The following DOCK4 variants were observed in gnomAD, a reference collection of about 807,000 sequenced individuals.
DOCK4 encodes dedicator of cytokinesis protein 4.
In DOCK4, 97 loss-of-function variants were observed where a neutral mutation model predicts 268.1. The ratio of observed to expected loss-of-function variants is 0.36; its 90% CI spans 0.31 to 0.43. The LOEUF is 0.43. Ranked by LOEUF, DOCK4 falls within the 20% of genes least tolerant of loss-of-function variation. The pLI is 1.00. For missense variants in DOCK4, 2,145 were observed against 2,455.7 expected, an observed-to-expected ratio of 0.87 and a Z score of 2.67; for synonymous variants, 954 against 887.2, an observed-to-expected ratio of 1.08 and a Z score of -1.34.
chr7:111,889,140 CTGTTCAGCTTATG>C (rs1324423725), intron 16 of DOCK4, among the ~76,000 whole-genome samples: 1 of 152,176 alleles, frequency 6.6e-6, no homozygotes, highest in East Asian at 1.9e-4. Flanking sequence ...TTTCCCCCCA[CTGTTCAGCTTATG>C]TGTTCAGCTT....
At chr7:111,794,151 T>C (rs1026328463) in intron 30 of DOCK4, among the ~76,000 whole-genome samples, 1 of 152,090 alleles carries the variant, frequency 6.6e-6, no homozygotes, top group African/African-American at 2.4e-5. Context: ...GCAGCAGCCA[T>C]GGTAATAGAG....
At position 112,102,525 on chromosome 7, in the gene DOCK4, T is replaced by C. The variant is rs532848443; in HGVS notation, c.38-98394A>G. On this transcript the variant is annotated intron_variant, in intron 1 of 52. Transcript: ENST00000428084. ...TGAGGTGGGGCCTTTGGGAGGCGAT[T>C]AGGCTGTAAGAGTAGAGTCGTCAGG... Among the ~76,000 whole-genome samples the C allele has an allele frequency of 5.9e-5, 9 of 152,274 alleles. 1 individual carries two copies. The South Asian group carries it at 1.9e-3, about 32-fold the overall frequency.
intron 8 of DOCK4, among the ~76,000 whole-genome samples, chr7:111,973,181 ATAT>A: frequency 6.9e-6 from 1 of 145,034 alleles, no homozygotes; most frequent in African/African-American, 2.6e-5. Flanking sequence ...ATATATATAT[ATAT>A]ATAATATTTT....
At chr7:112,015,874 A>C (rs1801767572) in intron 1 of DOCK4, among the ~76,000 whole-genome samples, 1 of 152,220 alleles carries the variant, frequency 6.6e-6, no homozygotes. Flanking sequence ...GGAAGGACGA[A>C]GAACATGAGT....
At chr7:111,842,830 C>A (rs1180312934) in intron 25 of DOCK4, among the ~76,000 whole-genome samples, 1 of 152,184 alleles carries the variant, frequency 6.6e-6, no homozygotes, top group East Asian at 1.9e-4. Flanking sequence ...TAACAAGAAG[C>A]CCTCTTGCCT....
chr7:111,971,896 A>G, intron 8 of DOCK4: 1 of 199,388 alleles, frequency 5.0e-6, no homozygotes, highest in South Asian at 9.7e-5. Context: ...TAATGCCAAC[A>G]TTCTTAGGCC....
chr7:112,201,551 T>C (rs763322967), intron 1 of DOCK4, among the ~76,000 whole-genome samples: 2 of 152,246 alleles, frequency 1.3e-5, no homozygotes, highest in Non-Finnish European at 2.9e-5. Flanking sequence ...ATGACTCATC[T>C]GTGAATCTGT....
chr7:112,034,888 A>G (rs556921569), intron 1 of DOCK4, among the ~76,000 whole-genome samples: 3 of 152,172 alleles, frequency 2.0e-5, no homozygotes, highest in African/African-American at 7.2e-5. Flanking sequence ...GGAGACAGAA[A>G]AAATGACTCA....
At chr7:112,164,083 G>T (rs1239436110) in intron 1 of DOCK4, among the ~76,000 whole-genome samples, 1 of 152,098 alleles carries the variant, frequency 6.6e-6, no homozygotes, top group Non-Finnish European at 1.5e-5. Flanking sequence ...AGGAGTTCAA[G>T]ACCAGCCTGG....
chr7:111,888,053 G>C (rs1306191892), intron 16 of DOCK4, among the ~76,000 whole-genome samples: 1 of 151,978 alleles, frequency 6.6e-6, no homozygotes, highest in Non-Finnish European at 1.5e-5. Flanking sequence ...TGTTTTCTCT[G>C]TTAAGTAGCT....
chr7:112,150,758 C>A (rs1815981993), intron 1 of DOCK4, among the ~76,000 whole-genome samples: 1 of 152,184 alleles, frequency 6.6e-6, no homozygotes, highest in South Asian at 2.1e-4. Flanking sequence ...CTCAACCTCC[C>A]CAAAACTTAA....
Position 111,994,162 on chromosome 7 carries a change from C to A in DOCK4, c.288G>T (p.Trp96Cys). 1 of 1,606,636 alleles carries A rather than the reference C, an allele frequency of 6.2e-7. No individual in the cohort carries two copies. The highest frequency in any genetic ancestry group is 8.5e-7 in the Non-Finnish European group (1 of 1,175,506). ...CATAGAGTTGTTTCCACATGGTTCC[C>A]CAGTCTCTTAATGTTGATGTCATTT... ...ITEMTSTLRD[W>C]GTMWKQLYVR... The change falls in exon 5 of 53, where the codon TGG becomes TGT. Residue 96 changes from tryptophan to cysteine, a missense_variant. Around this residue, in one of 2 missense-constraint regions of DOCK4, gnomAD observed 1,598 missense variants for 1,986.7 expected, o/e 0.80. Transcript: ENST00000428084.
intron 8 of DOCK4, among the ~76,000 whole-genome samples, chr7:111,956,621 A>G (rs1223130344): frequency 6.6e-6 from 1 of 152,212 alleles, no homozygotes; most frequent in African/African-American, 2.4e-5. Context: ...TATTGTCTGT[A>G]AAGTGTTCAT....
intron 27 of DOCK4, among the ~76,000 whole-genome samples, chr7:111,816,834 A>AT (rs1407489545): frequency 2.0e-5 from 3 of 152,170 alleles, no homozygotes; most frequent in Non-Finnish European, 4.4e-5. Flanking sequence ...ATTTTTAGCT[A>AT]TTTTGAACAG....
At chr7:111,765,268 G>T in intron 38 of DOCK4, 46 bp from the exon 39 acceptor site, 1 of 1,065,106 alleles carries the variant, frequency 9.4e-7, no homozygotes, top group Non-Finnish European at 1.3e-6. Flanking sequence ...TCATCTTTCG[G>T]TTCTATCAAA....
chr7:111,847,401 C>A (rs1804193476), intron 23 of DOCK4, among the ~76,000 whole-genome samples: 1 of 151,904 alleles, frequency 6.6e-6, no homozygotes, highest in Non-Finnish European at 1.5e-5. Context: ...ACATGCTTCT[C>A]TTGCTGTTTC....
chr7:111,914,443 T>G (rs1403586965), intron 13 of DOCK4, among the ~76,000 whole-genome samples: 1 of 152,162 alleles, frequency 6.6e-6, no homozygotes, highest in Non-Finnish European at 1.5e-5. Context: ...AGACCCAAAG[T>G]GCTGAGTGTG....
chr7:111,812,888 G>A (rs970149350), intron 27 of DOCK4, among the ~76,000 whole-genome samples: 7 of 152,188 alleles, frequency 4.6e-5, no homozygotes, highest in African/African-American at 1.7e-4. Flanking sequence ...GAGAAATCAG[G>A]AAAAGCCTGA....
At chr7:111,815,420 AGGGAC>A (rs1340541934) in intron 27 of DOCK4, among the ~76,000 whole-genome samples, 1 of 152,164 alleles carries the variant, frequency 6.6e-6, no homozygotes, top group Non-Finnish European at 1.5e-5. Flanking sequence ...TGTGGTGTTT[AGGGAC>A]CTTTCTTTAC....
Sources: allele counts gnomAD v4.1 joint callset (sites outside exome capture counted in the v4.1 genomes callset), GRCh38; gene constraint gnomAD v4.1.1; regional missense constraint gnomAD v4.1.1; transcripts MANE v1.5; gene names NCBI Gene and HGNC (gene_info 2026-07-23, HGNC 2026-07-21).